The following SCN8A variants were observed in gnomAD, a reference collection of about 807,000 sequenced individuals.
SCN8A encodes sodium channel protein type 8 subunit alpha.
SCN8A carries 30 observed loss-of-function variants against 184.1 expected under a neutral mutation model. The ratio of observed to expected loss-of-function variants is 0.16; its 90% confidence interval spans 0.12 to 0.22. The LOEUF is 0.22. SCN8A is among the 10% of genes least tolerant of loss of function. The pLI, the probability that SCN8A is intolerant of heterozygous loss-of-function variation, is 1.00. For missense variants in SCN8A, 1,057 were observed against 2,498.9 expected (o/e 0.42, Z 12.30); for synonymous variants, 852 against 907.0 (o/e 0.94, Z 1.09).
At chr12:51,792,018 C>G (rs1421419210) in intron 25 of SCN8A, among the ~76,000 whole-genome samples, 3 of 152,132 alleles carry the variant, frequency 2.0e-5, no homozygotes, top group Non-Finnish European at 4.4e-5. Context: ...AGGTAGACTG[C>G]TGTCATGGAG....
At position 51,808,098 on chromosome 12, in the gene SCN8A, T is replaced by A. The variant is rs147941345; in HGVS notation, c.*669T>A. The A allele has an allele frequency of 1.0e-4, 17 of 164,788 alleles. No homozygotes were observed. The highest frequency in any genetic ancestry group is 2.2e-4 in the Admixed American group (4 of 18,226). 10.2% of individuals were successfully genotyped at this position (164,788 alleles called of 1,614,324 possible). A position where few individuals can be genotyped will look rare whatever the true frequency, so the allele number is the denominator to read the frequency against. ...TGATTTGCATGATGGCATGCCGTGATCAGAAGTCATGCATGAGATCCATAC... is the reference window on the plus strand; with the variant it reads ...TGATTTGCATGATGGCATGCCGTGAACAGAAGTCATGCATGAGATCCATAC... On this transcript the variant is annotated 3_prime_UTR_variant, in exon 27 of 27. Transcript: ENST00000627620.
Position 51,725,574 on chromosome 12 carries a change from T to A in SCN8A, c.1998+3666T>A, listed in dbSNP as rs7956129. On this transcript the variant is annotated intron_variant, in intron 12 of 26. Transcript: ENST00000627620. ...TAGGTGGTTTTATCCTATTAGCAGA[T>A]GAGACTCAGAGCGCTGTAGTGACTT... is the stretch of plus-strand genomic sequence containing the variant. Among the ~76,000 whole-genome samples the A allele has an allele frequency of 6.2e-3, 949 of 152,292 alleles. 10 individuals are homozygous for A. The highest frequency in any genetic ancestry group is 0.031 in the Middle Eastern group (9 of 294).
intron 6 of SCN8A, among the ~76,000 whole-genome samples, chr12:51,698,028 A>G (rs540813391): frequency 6.6e-6 from 1 of 152,064 alleles, no homozygotes; most frequent in South Asian, 2.1e-4. Flanking sequence ...TAATTTTTGT[A>G]TTTTTAGTAG....
At chr12:51,786,905 C>G in intron 22 of SCN8A, 79 bp downstream of exon 22, 2 of 1,318,026 alleles carry the variant, frequency 1.5e-6, no homozygotes, top group Non-Finnish European at 2.1e-6. Context: ...GGCTTCTTCT[C>G]AACCCTACTT....
intron 1 of SCN8A, among the ~76,000 whole-genome samples, chr12:51,624,694 A>T (rs981649180): frequency 6.6e-6 from 1 of 152,130 alleles, no homozygotes; most frequent in Non-Finnish European, 1.5e-5. Context: ...GCCCATGCCT[A>T]TGTCCTGAAT....
At position 51,608,298 on chromosome 12, in the gene SCN8A, C is replaced by T. The variant is rs61933353; in HGVS notation, c.-55+16939C>T. On this transcript the variant is annotated intron_variant, in intron 1 of 26. Coordinates refer to ENST00000627620, the MANE Select transcript of SCN8A (RefSeq NM_001330260.2). ...GTGCTGGGATTACAGGCGTGAGCCA[C>T]CGCGCCTGGCCTGGTACCAATTTTT... is the stretch of plus-strand genomic sequence containing the variant. Among the ~76,000 whole-genome samples, 910 of 152,252 alleles carry T rather than the reference C, an allele frequency of 6.0e-3. 7 individuals are homozygous for T. Among genetic ancestry groups the T allele is most frequent in the Non-Finnish European group, 1.0e-2 (680 of 68,008 alleles).
chr12:51,751,697 A>G (rs887979597), intron 14 of SCN8A, 104 bp downstream of exon 14: 3 of 846,114 alleles, frequency 3.5e-6, no homozygotes, highest in Non-Finnish European at 5.6e-6. Flanking sequence ...AAAGAAAGTA[A>G]TAGTTAATTG....
chr12:51,600,995 AG>A (rs1939451446), intron 1 of SCN8A, among the ~76,000 whole-genome samples: 2 of 152,192 alleles, frequency 1.3e-5, no homozygotes, highest in Non-Finnish European at 2.9e-5. Context: ...CACTCTATTT[AG>A]GGTATTACCC....
At chr12:51,595,092 A>G (rs1048649116) in intron 1 of SCN8A, among the ~76,000 whole-genome samples, 2 of 152,204 alleles carry the variant, frequency 1.3e-5, no homozygotes, top group African/African-American at 2.4e-5. Flanking sequence ...GAATCAACAA[A>G]TAGTCTCACT....
chr12:51,783,940 C>T (rs1185237850), intron 21 of SCN8A, among the ~76,000 whole-genome samples: 1 of 152,086 alleles, frequency 6.6e-6, no homozygotes, highest in Non-Finnish European at 1.5e-5. Flanking sequence ...ATTACTAAAA[C>T]CTAGCTTTGA....
chr12:51,677,425 A>C (rs981510873), intron 2 of SCN8A, among the ~76,000 whole-genome samples: 4 of 152,076 alleles, frequency 2.6e-5, no homozygotes, highest in Admixed American at 2.0e-4. Flanking sequence ...GTGGCTAAAA[A>C]AATTATTTCA....
intron 11 of SCN8A, among the ~76,000 whole-genome samples, chr12:51,708,551 T>C (rs1941821307): frequency 6.6e-6 from 1 of 152,208 alleles, no homozygotes; most frequent in South Asian, 2.1e-4. Flanking sequence ...CCAGTGTCTT[T>C]TCTTTTTTCC....
chr12:51,786,896 GCTT>G, intron 22 of SCN8A, 70 bp downstream of exon 22: 9 of 1,438,976 alleles, frequency 6.3e-6, no homozygotes, highest in Non-Finnish European at 8.5e-6. Flanking sequence ...ATCCCATTTG[GCTT>G]CTTCTCAACC....
rs1453685163 is a variant in SCN8A, at chr12:51,807,468, C to T, written c.*39C>T. The T allele has an allele frequency of 1.1e-5, 17 of 1,556,748 alleles. No homozygotes were observed. Among genetic ancestry groups the T allele is most frequent in the Middle Eastern group, 1.7e-4 (1 of 5,830 alleles). The stretch of plus-strand genomic sequence containing the variant: ...TTCAGTATTATACAGATCTAAAACT[C>T]GCAAGTGAAAGATTGTTTACAAACT... On this transcript the variant is annotated 3_prime_UTR_variant, in exon 27 of 27. Transcript: ENST00000627620. This position sits in a 1 kb window ranked among gnomAD's most constrained non-coding sequence, Gnocchi z 4.5.
chr12:51,728,297 C>T (rs1342299143), intron 12 of SCN8A, among the ~76,000 whole-genome samples: 1 of 152,144 alleles, frequency 6.6e-6, no homozygotes, highest in African/African-American at 2.4e-5. Context: ...AACGTTGACC[C>T]ATGACCTGCC....
At chr12:51,706,750 ATG>A (rs1941792633) in intron 11 of SCN8A, 35 bp downstream of exon 11, 2 of 1,427,178 alleles carry the variant, frequency 1.4e-6, no homozygotes, top group African/African-American at 1.4e-5. Flanking sequence ...TTTTTCAAAA[ATG>A]TATTTTTTAT....
At chr12:51,702,185 G>C (rs1941701590) in intron 8 of SCN8A, among the ~76,000 whole-genome samples, 1 of 151,908 alleles carries the variant, frequency 6.6e-6, no homozygotes, top group Non-Finnish European at 1.5e-5. Context: ...AGCCAGACGT[G>C]GTGGCAGGTG....
chr12:51,795,023 G>A (rs1456317398), intron 26 of SCN8A, among the ~76,000 whole-genome samples: 3 of 152,196 alleles, frequency 2.0e-5, no homozygotes, highest in Admixed American at 2.0e-4. Flanking sequence ...GGCCATTAAT[G>A]AAATAGTCTA....
At chr12:51,700,945 G>T (rs1941676919) in intron 7 of SCN8A, among the ~76,000 whole-genome samples, 199 bp from the exon 8 acceptor site, 1 of 152,162 alleles carries the variant, frequency 6.6e-6, no homozygotes, top group African/African-American at 2.4e-5. Flanking sequence ...AGAACTTTGG[G>T]ATAGCACTTT....
Sources: gnomAD v4.1 joint callset for allele counts (sites outside exome capture counted in the v4.1 genomes callset) on GRCh38, gnomAD v4.1.1 for gene constraint, Gnocchi (gnomAD v3.1) non-coding constraint, MANE v1.5 for transcripts, NCBI Gene and HGNC (gene_info 2026-07-23, HGNC 2026-07-21) for gene names.